Variants in DTNB observed in about 807,000 individuals in gnomAD.
DTNB encodes dystrobrevin beta, also known as DTN-B.
DTNB carries 63 observed loss-of-function variants against 90.7 expected under a neutral mutation model. The ratio of observed to expected loss-of-function variants is 0.69; its 90% CI spans 0.57 to 0.86. The LOEUF (loss-of-function observed/expected upper bound fraction) is 0.86. Among genes scored for constraint, DTNB ranks in the 40% least tolerant of loss-of-function variants. The pLI is 0.00. For synonymous variants in DTNB, 277 were observed against 286.7 expected (o/e 0.97, Z 0.34); for missense variants, 744 against 807.1 (o/e 0.92, Z 0.95).
intron 3 of DTNB, among the ~76,000 whole-genome samples, chr2:25,630,877 G>GTGC: frequency 7.0e-6 from 1 of 142,500 alleles, no homozygotes; most frequent in Non-Finnish European, 1.5e-5. Context: ...AGGGGATGAA[G>GTGC]TGCTGATGCA....
At chr2:25,585,615 A>C (rs2062250477) in intron 6 of DTNB, among the ~76,000 whole-genome samples, 1 of 152,238 alleles carries the variant, frequency 6.6e-6, no homozygotes, top group African/African-American at 2.4e-5. Context: ...AAAATAATTT[A>C]GCTATAGATC....
chr2:25,506,760 T>A (rs1476622388), intron 9 of DTNB, among the ~76,000 whole-genome samples: 1 of 152,194 alleles, frequency 6.6e-6, no homozygotes, highest in African/African-American at 2.4e-5. Context: ...ATAAGCTTGA[T>A]AAAATGAGAA....
rs374077335 is a variant in DTNB, at chr2:25,533,940, T to TTTTATTTA, written c.877-2351_877-2344dup. ...GCTACACTGCAATTTTTATTTTTAT[T>TTTTATTTA]TTTATTTATTTATTTATTTATTTAT... On this transcript the variant is annotated intron_variant, in intron 8 of 20. Coordinates refer to ENST00000406818, the MANE Select transcript of DTNB (RefSeq NM_021907.5). Among the ~76,000 whole-genome samples the TTTTATTTA allele has an allele frequency of 1.2e-3, 187 of 151,268 alleles. 1 individual carries two copies. Among genetic ancestry groups the TTTTATTTA allele is most frequent in the African/African-American group, 3.6e-3 (150 of 41,172 alleles).
intron 3 of DTNB, among the ~76,000 whole-genome samples, chr2:25,633,827 C>A (rs1322602607): frequency 2.0e-5 from 3 of 151,434 alleles, no homozygotes; most frequent in Non-Finnish European, 3.0e-5. Context: ...CCCCGCCACC[C>A]CGTCTGGGAT....
rs985690757 is a variant in DTNB at position 25,639,007 on chromosome 2, G to A, written c.148+7C>T. ...AGCTATCACAGAAATGAGTAGAAAT[G>A]ACTCACGGTTGCATCGTTTTTGTAC... On this transcript the variant is annotated splice_region_variant and intron_variant, in intron 3 of 20. Transcript: ENST00000406818. 9 of 1,572,280 alleles carry A rather than the reference G, an allele frequency of 5.7e-6. No homozygotes were observed. The highest frequency in any genetic ancestry group is 7.8e-6 in the Non-Finnish European group (9 of 1,153,744).
intron 8 of DTNB, 135 bp downstream of exon 8, chr2:25,576,703 G>A: frequency 1.8e-6 from 2 of 1,118,400 alleles, no homozygotes; most frequent in Non-Finnish European, 2.4e-6. Context: ...TGCAATCCTG[G>A]CATAAATGTT....
rs991871412 is a variant in DTNB at position 25,400,818 on chromosome 2, C to G, written c.1576-12457G>C. ...ATAAATGCCCTGTGACTCAGGTTCT[C>G]TCAATACAGAGGTCCCTTGTATAAC... On this transcript the variant is annotated intron_variant, in intron 16 of 20. Coordinates refer to ENST00000406818, the MANE Select transcript of DTNB (RefSeq NM_021907.5). Among the ~76,000 whole-genome samples, 4 of 152,304 alleles carry G rather than the reference C, an allele frequency of 2.6e-5. No individual in the cohort carries two copies. In the East Asian group the frequency reaches 5.8e-4, roughly 22 times the overall value.
At chr2:25,652,491 A>G (rs971771816) in intron 2 of DTNB, 103 bp downstream of exon 2, 3 of 1,230,640 alleles carry the variant, frequency 2.4e-6, no homozygotes, top group South Asian at 1.6e-5. Context: ...TGCAAAGCTT[A>G]TAACATAAAA....
At chr2:25,625,955 G>A (rs1395518103) in intron 4 of DTNB, among the ~76,000 whole-genome samples, 2 of 152,138 alleles carry the variant, frequency 1.3e-5, no homozygotes. Context: ...TTTGTCATGT[G>A]AGGATACCAC....
At chr2:25,388,460 G>T in intron 16 of DTNB, 99 bp from the exon 17 acceptor site, 1 of 1,431,800 alleles carries the variant, frequency 7.0e-7, no homozygotes, top group Non-Finnish European at 9.3e-7. Flanking sequence ...CCAGCCAGTG[G>T]GCCTCAGTTC....
intron 6 of DTNB, among the ~76,000 whole-genome samples, chr2:25,594,014 G>A (rs2064077363): frequency 6.6e-6 from 1 of 152,138 alleles, no homozygotes. Context: ...GTATTGTGTG[G>A]GCCACCATGG....
intron 9 of DTNB, 63 bp from the exon 10 acceptor site, chr2:25,482,936 C>A: frequency 6.7e-7 from 1 of 1,481,894 alleles, no homozygotes; most frequent in Non-Finnish European, 9.1e-7. Flanking sequence ...AGGGAAACGA[C>A]GATAAGCATG....
At chr2:25,615,705 G>A (rs773825184) in intron 4 of DTNB, among the ~76,000 whole-genome samples, 1 of 152,162 alleles carries the variant, frequency 6.6e-6, no homozygotes, top group South Asian at 2.1e-4. Context: ...GGTCTCAGGG[G>A]CTCTGTGCCA....
At chr2:25,525,081 G>A (rs763925156) in intron 9 of DTNB, among the ~76,000 whole-genome samples, 3 of 152,124 alleles carry the variant, frequency 2.0e-5, no homozygotes, top group Non-Finnish European at 4.4e-5. Context: ...GAATACCATT[G>A]GAGATTTTGG....
At chr2:25,474,401 T>C (rs565640675) in intron 10 of DTNB, among the ~76,000 whole-genome samples, 6 of 152,348 alleles carry the variant, frequency 3.9e-5, no homozygotes, top group African/African-American at 1.4e-4. Context: ...CATTAATTCT[T>C]GCTTTTCAAA....
chr2:25,474,579 T>G (rs541093941), intron 10 of DTNB, among the ~76,000 whole-genome samples: 1 of 152,370 alleles, frequency 6.6e-6, no homozygotes, highest in African/African-American at 2.4e-5. Context: ...ATTTTTGTCA[T>G]TCTGCTATAT....
intron 7 of DTNB, among the ~76,000 whole-genome samples, 171 bp downstream of exon 7, chr2:25,580,550 C>T (rs80160611): frequency 6.6e-6 from 1 of 151,794 alleles, no homozygotes; most frequent in Admixed American, 6.6e-5. Context: ...AAGTACCCTC[C>T]CTTTTTTAAA....
chr2:25,523,518 G>T (rs1005411493), intron 9 of DTNB, among the ~76,000 whole-genome samples: 1 of 151,824 alleles, frequency 6.6e-6, no homozygotes. Flanking sequence ...GCACGCACTT[G>T]TAGTCCTAGC....
rs767358025 is a variant in DTNB at position 25,510,787 on chromosome 2, C to A, written c.1001+20686G>T. Among the ~76,000 whole-genome samples, 4 of 152,184 alleles carry A rather than the reference C, an allele frequency of 2.6e-5. No homozygotes were observed. The South Asian group carries it at 8.3e-4, about 31-fold the overall frequency. On this transcript the variant is annotated intron_variant, in intron 9 of 20. Coordinates refer to ENST00000406818, the MANE Select transcript of DTNB (RefSeq NM_021907.5). ...CCTCCCAAAGTGCTGGGATTACAGGCGTGAGCCACCACGCCCAGCTTAAGT... is the reference window on the plus strand; with the variant it reads ...CCTCCCAAAGTGCTGGGATTACAGGAGTGAGCCACCACGCCCAGCTTAAGT...
Sources: gnomAD v4.1 joint callset for allele counts (sites outside exome capture counted in the v4.1 genomes callset) on GRCh38, gnomAD v4.1.1 for gene constraint, MANE v1.5 for transcripts, NCBI Gene and HGNC (gene_info 2026-07-23, HGNC 2026-07-21) for gene names.